Variants in PCDHGA1 observed in about 807,000 individuals in gnomAD.
PCDHGA1 encodes protocadherin gamma subfamily A, 1, also known as protocadherin gamma-A1.
Under a neutral mutation model 58.0 loss-of-function variants are expected in PCDHGA1, and 32 were observed. That is an observed-to-expected ratio of 0.55 (90% confidence interval 0.42 to 0.74). The LOEUF is 0.74. PCDHGA1 is among the 30% of genes least tolerant of loss of function. The pLI, the probability that PCDHGA1 is intolerant of heterozygous loss-of-function variation, is 0.00. For synonymous variants in PCDHGA1, 498 were observed against 501.1 expected, an observed-to-expected ratio of 0.99 and a Z score of 0.08; for missense variants, 1,205 against 1,182.3, an observed-to-expected ratio of 1.02 and a Z score of -0.28.
intron 1 of PCDHGA1, among the ~76,000 whole-genome samples, chr5:141,465,040 C>T (rs1396261200): frequency 6.6e-6 from 1 of 151,842 alleles, no homozygotes; most frequent in Non-Finnish European, 1.5e-5. Context: ...CCACAAATGA[C>T]CCTATATATT....
At chr5:141,371,673 A>G in intron 1 of PCDHGA1, 1 of 1,614,030 alleles carries the variant, frequency 6.2e-7, no homozygotes, top group Non-Finnish European at 8.5e-7. Flanking sequence ...AGCTACCGAC[A>G]AAGGCAATCC....
chr5:141,345,053 G>A, intron 1 of PCDHGA1: 1 of 1,613,966 alleles, frequency 6.2e-7, no homozygotes, highest in Non-Finnish European at 8.5e-7. Context: ...TTCTGGATGT[G>A]AATGACAATG....
chr5:141,482,529 G>GAAAAAAAA (rs1256461887), intron 1 of PCDHGA1, among the ~76,000 whole-genome samples: 1 of 56,042 alleles, frequency 1.8e-5, no homozygotes, highest in Admixed American at 1.9e-4. Context: ...AGACAGACAT[G>GAAAAAAAA]CAAAAAAAAA....
chr5:141,409,106 A>T (rs1474106494), intron 1 of PCDHGA1: 1 of 1,613,930 alleles, frequency 6.2e-7, no homozygotes, highest in East Asian at 2.2e-5. Context: ...AGGTATGATT[A>T]AGAATAACCA....
At chr5:141,378,814 T>C (rs915920148) in intron 1 of PCDHGA1, 6 of 152,232 alleles carry the variant, frequency 3.9e-5, no homozygotes, top group Non-Finnish European at 8.8e-5. Flanking sequence ...AACAGAATCA[T>C]TGTTTCATGA....
At chr5:141,407,505 T>TTTTTTTTTTTTTTTTTTTTTTGAG (rs1460306566) in intron 1 of PCDHGA1, among the ~76,000 whole-genome samples, 1 of 152,148 alleles carries the variant, frequency 6.6e-6, no homozygotes, top group African/African-American at 2.4e-5. Context: ...CTGTTTTTCT[T>TTTTTTTTTTTTTTTTTTTTTTGAG]AGGCTATGTA....
Position 141,361,628 on chromosome 5 carries a change from C to A in PCDHGA1, c.2421+28523C>A, listed in dbSNP as rs751712279. On this transcript the variant is annotated intron_variant, in intron 1 of 3. Coordinates refer to ENST00000517417, the MANE Select transcript of PCDHGA1 (RefSeq NM_018912.3). Reference sequence around the variant, plus strand: ...TCCATCGTAGCGAGCGACCTGAAGCCGCGGGAGATTTTATCCTACGTGTCC... The same window carrying A: ...TCCATCGTAGCGAGCGACCTGAAGCAGCGGGAGATTTTATCCTACGTGTCC... 3.1e-6 allele frequency: 5 copies of A among 1,613,906 alleles called. No individual in the cohort carries two copies. In the South Asian group the frequency reaches 4.4e-5, roughly 14 times the overall value.
intron 1 of PCDHGA1, chr5:141,400,589 A>G (rs771561940): frequency 4.4e-6 from 7 of 1,605,662 alleles, no homozygotes; most frequent in South Asian, 2.2e-5. Flanking sequence ...ACATGAAACT[A>G]TCGTACATTT....
At chr5:141,362,100 C>T (rs1266729746) in intron 1 of PCDHGA1, 26 of 1,613,752 alleles carry the variant, frequency 1.6e-5, no homozygotes, top group Non-Finnish European at 1.9e-5. Context: ...CGCCACTCTC[C>T]GCTACGGCCA....
In PCDHGA1 at chr5:141,463,438, C is replaced by CTTT. The variant is rs71576115; in HGVS notation, c.2422-31343_2422-31341dup. ...GTTTGCGGATCCTCATTTCCTTCTC[C>CTTT]TTTTTTTTTTTTTTTTTTTTTTTTT... On this transcript the variant is annotated intron_variant, in intron 1 of 3. Coordinates refer to ENST00000517417, the MANE Select transcript of PCDHGA1 (RefSeq NM_018912.3). 5.0e-3 allele frequency among the ~76,000 whole-genome samples: 517 copies of CTTT among 103,248 alleles called. 61 individuals are homozygous for CTTT. The highest frequency in any genetic ancestry group is 0.017 in the African/African-American group (381 of 22,398). The allele number at this position is 103,248 out of a possible 152,430, so 67.7% of individuals were successfully genotyped here.
chr5:141,383,074 C>T, intron 1 of PCDHGA1: 3 of 1,613,886 alleles, frequency 1.9e-6, no homozygotes, highest in Non-Finnish European at 2.5e-6. Context: ...GCCCCGGGAG[C>T]TGGCGGAGCG....
intron 1 of PCDHGA1, chr5:141,403,197 G>T: frequency 6.2e-7 from 1 of 1,613,986 alleles, no homozygotes; most frequent in Non-Finnish European, 8.5e-7. Flanking sequence ...CCGCGCAGCG[G>T]CACCTTGGTC....
intron 1 of PCDHGA1, chr5:141,372,039 C>T (rs757866605): frequency 1.2e-6 from 2 of 1,613,468 alleles, no homozygotes; most frequent in Non-Finnish European, 1.7e-6. Flanking sequence ...CGTGAGCCTG[C>T]GCGTGTTGGT....
chr5:141,338,442 A>C (rs1756753557), intron 1 of PCDHGA1, among the ~76,000 whole-genome samples: 1 of 152,238 alleles, frequency 6.6e-6, no homozygotes, highest in Non-Finnish European at 1.5e-5. Flanking sequence ...TTATACAATA[A>C]GAGATGGAAG....
chr5:141,384,586 C>T lies in PCDHGA1; in HGVS notation c.2421+51481C>T, dbSNP rs747814318. ...CCAGAATGACAACCCGCCCGAGATC[C>T]TGTACCCGGCCCTCCCCACAGATGG... On this transcript the variant is annotated intron_variant, in intron 1 of 3. Transcript: ENST00000517417. The T allele has an allele frequency of 2.5e-6, 4 of 1,614,274 alleles. No homozygotes were observed. In the South Asian group the frequency reaches 4.4e-5, roughly 18 times the overall value.
chr5:141,338,928 T>C (rs757145019), intron 1 of PCDHGA1: 3 of 1,520,550 alleles, frequency 2.0e-6, no homozygotes, highest in Non-Finnish European at 2.6e-6. Flanking sequence ...GAATCCGCAC[T>C]GGATGCTGGA....
chr5:141,371,226 A>G (rs772683388), intron 1 of PCDHGA1: 7 of 1,614,072 alleles, frequency 4.3e-6, no homozygotes, highest in Non-Finnish European at 5.9e-6. Flanking sequence ...TGCCGAAATC[A>G]TCTATGCCTT....
rs570029585 is a variant in PCDHGA1 at position 141,389,223 on chromosome 5, G to A, written c.2421+56118G>A. On this transcript the variant is annotated intron_variant, in intron 1 of 3. Coordinates refer to ENST00000517417, the MANE Select transcript of PCDHGA1 (RefSeq NM_018912.3). ...GCACATTGGTGATGTAAATGACAAC[G>A]CTCCGGTTTTCTCACAGTCTTCCTA... 5.0e-6 allele frequency: 8 copies of A among 1,613,994 alleles called. No homozygotes were observed. The African/African-American group carries it at 8.0e-5, about 16-fold the overall frequency.
chr5:141,397,372 G>A (rs1014875277), intron 1 of PCDHGA1, among the ~76,000 whole-genome samples: 3 of 152,012 alleles, frequency 2.0e-5, no homozygotes, highest in Admixed American at 6.6e-5. Context: ...AGATGTTTGG[G>A]GATTGGTATA....
Sources: allele counts gnomAD v4.1 joint callset (sites outside exome capture counted in the v4.1 genomes callset), GRCh38; gene constraint gnomAD v4.1.1; transcripts MANE v1.5; gene names NCBI Gene and HGNC (gene_info 2026-07-23, HGNC 2026-07-21).